Variants in SMAP2 observed in about 807,000 individuals in gnomAD.
SMAP2 encodes small ArfGAP2.
SMAP2 carries 25 observed loss-of-function variants against 56.4 expected under a neutral mutation model. That is an observed-to-expected ratio of 0.44 (90% CI 0.32 to 0.62). The LOEUF (loss-of-function observed/expected upper bound fraction) is 0.62. Ranked by LOEUF, SMAP2 falls within the 20% of genes least tolerant of loss-of-function variation. The pLI is 0.04. For missense variants in SMAP2, 388 were observed against 545.6 expected, an observed-to-expected ratio of 0.71 and a Z score of 2.88; for synonymous variants, 157 against 181.7, an observed-to-expected ratio of 0.86 and a Z score of 1.09.
intron 1 of SMAP2, among the ~76,000 whole-genome samples, chr1:40,395,869 G>A (rs952083012): frequency 6.6e-6 from 1 of 152,246 alleles, no homozygotes; most frequent in Middle Eastern, 3.4e-3. Context: ...GCCATTTTAA[G>A]TTAACTGCTG....
upstream of SMAP2, among the ~76,000 whole-genome samples, chr1:40,372,488 A>AAT (rs1465022250): frequency 6.6e-6 from 1 of 152,152 alleles, no homozygotes; most frequent in Non-Finnish European, 1.5e-5. Context: ...TGGTTATGGT[A>AAT]ATACCTACTT....
intron 1 of SMAP2, among the ~76,000 whole-genome samples, chr1:40,387,817 C>T (rs139180430): frequency 0.011 from 1,603 of 151,156 alleles, 13 homozygotes; most frequent in Admixed American, 0.023. Context: ...TGGCCGAGGC[C>T]GGAGCTGGCT....
At chr1:40,420,483 G>C (rs1057173330) in intron 9 of SMAP2, among the ~76,000 whole-genome samples, 1 of 152,152 alleles carries the variant, frequency 6.6e-6, no homozygotes, top group African/African-American at 2.4e-5. Flanking sequence ...TAAAAACCAG[G>C]TGTGGAATGG....
chr1:40,354,685 T>C (rs1483585300), intron 1 of SMAP2, among the ~76,000 whole-genome samples: 1 of 151,998 alleles, frequency 6.6e-6, no homozygotes, highest in Non-Finnish European at 1.5e-5. Flanking sequence ...GAGAATTGTT[T>C]TGGATTTTAT....
intron 1 of SMAP2, among the ~76,000 whole-genome samples, chr1:40,376,199 C>T (rs997887089): frequency 3.9e-5 from 6 of 152,184 alleles, no homozygotes; most frequent in African/African-American, 1.4e-4. Context: ...GATCCACCCG[C>T]CTCAGCCTTC....
chr1:40,394,472 C>T (rs984676844), intron 1 of SMAP2, among the ~76,000 whole-genome samples: 5 of 152,130 alleles, frequency 3.3e-5, no homozygotes, highest in African/African-American at 4.8e-5. Context: ...TGGCCTCTAA[C>T]GGAAGCAACT....
In SMAP2 at chr1:40,421,984, G is replaced by C. The variant is rs1199698757; in HGVS notation, c.1173G>C (p.Gln391His). 1 of 1,614,182 alleles carries C rather than the reference G, an allele frequency of 6.2e-7. No individual in the cohort carries two copies. The change falls in exon 10 of 10, where the codon CAG becomes CAC. Residue 391 changes from glutamine to histidine, a missense_variant. Physicochemically the swap from Gln to His is conservative, Grantham distance 24 (BLOSUM62 0). Coordinates refer to ENST00000372718, the MANE Select transcript of SMAP2 (RefSeq NM_022733.3). ...QLQWNLTQMT[Q>H]QMAGMNFYGA... Reference sequence around the variant, plus strand: ...TCCTCTCTCCCTTTCAGATGACCCAGCAGATGGCTGGGATGAACTTCTATG... The same window carrying C: ...TCCTCTCTCCCTTTCAGATGACCCACCAGATGGCTGGGATGAACTTCTATG...
intron 1 of SMAP2, among the ~76,000 whole-genome samples, chr1:40,348,020 G>A (rs990560292): frequency 2.0e-5 from 3 of 151,884 alleles, no homozygotes; most frequent in African/African-American, 7.3e-5. Context: ...ATCCTAGCTG[G>A]GTGCAGTGGC....
chr1:40,422,321 T>A lies in SMAP2; in HGVS notation c.*220T>A, dbSNP rs1055446928. ...ATGCCCCATAGCCATCCCAACGTCC[T>A]CCCCAGTCCTCTCCTGGCACCAGCA... On this transcript the variant is annotated 3_prime_UTR_variant, in exon 10 of 10. Transcript: ENST00000372718. The A allele has an allele frequency of 1.9e-6, 1 of 527,308 alleles. No homozygotes were observed. The highest frequency in any genetic ancestry group is 3.3e-6 in the Non-Finnish European group (1 of 299,078). 32.7% of individuals were successfully genotyped at this position (527,308 alleles called of 1,614,324 possible).
In SMAP2 at chr1:40,416,379, A is replaced by T. The variant is rs375441551; in HGVS notation, c.847+38A>T. 2.2e-4 allele frequency: 344 copies of T among 1,589,000 alleles called. No homozygotes were observed. In the Middle Eastern group the frequency reaches 2.2e-3, roughly 10 times the overall value. On this transcript the variant is annotated intron_variant, in intron 8 of 9. Transcript: ENST00000372718. ...GGTGTCATGGCCATGTGCCAGGTAG[A>T]GACATGAGGGCTTCCATGCAGGAAT...
At chr1:40,394,456 A>G (rs1396136793) in intron 1 of SMAP2, among the ~76,000 whole-genome samples, 3 of 152,170 alleles carry the variant, frequency 2.0e-5, no homozygotes, top group African/African-American at 7.2e-5. Context: ...TGTAGCATCA[A>G]GGGACTGGCC....
chr1:40,416,761 A>C lies in SMAP2; in HGVS notation c.848-19A>C, dbSNP rs375254340. ...GTTTTTCCCTCTTTAACCAACCTGT[A>C]TGTGTGTTTTCTTGGCAGCAATGTT... On this transcript the variant is annotated intron_variant, in intron 8 of 9. Coordinates refer to ENST00000372718, the MANE Select transcript of SMAP2 (RefSeq NM_022733.3). 3 of 1,587,956 alleles carry C rather than the reference A, an allele frequency of 1.9e-6. No homozygotes were observed. Among genetic ancestry groups the C allele is most frequent in the Non-Finnish European group, 2.6e-6 (3 of 1,160,326 alleles).
At chr1:40,360,874 G>A (rs958074012) in intron 1 of SMAP2, among the ~76,000 whole-genome samples, 2 of 152,276 alleles carry the variant, frequency 1.3e-5, no homozygotes, top group East Asian at 1.9e-4. Context: ...ACCACCCCAG[G>A]CCAAAGTGCT....
chr1:40,383,708 C>A (rs575992810), intron 1 of SMAP2, among the ~76,000 whole-genome samples: 1 of 152,260 alleles, frequency 6.6e-6, no homozygotes, highest in African/African-American at 2.4e-5. Context: ...TGGCTGCTGC[C>A]AGGAGCAACT....
intron 1 of SMAP2, among the ~76,000 whole-genome samples, chr1:40,356,410 T>C (rs569093583): frequency 1.2e-4 from 18 of 150,806 alleles, no homozygotes; most frequent in African/African-American, 2.4e-4. Context: ...TTTTTGTTTT[T>C]TTTTGTTTTT....
chr1:40,372,973 C>T (rs1027271059), upstream of SMAP2, among the ~76,000 whole-genome samples: 1 of 152,138 alleles, frequency 6.6e-6, no homozygotes, highest in Non-Finnish European at 1.5e-5. Flanking sequence ...TCTGTAGCAA[C>T]GGTGGCTTTG....
chr1:40,419,572 A>C (rs1645023112), intron 9 of SMAP2, among the ~76,000 whole-genome samples: 1 of 152,212 alleles, frequency 6.6e-6, no homozygotes, highest in Non-Finnish European at 1.5e-5. Context: ...GGCATGAGCC[A>C]CTGCGCCCAG....
At chr1:40,418,657 C>T (rs1232478405) in intron 9 of SMAP2, among the ~76,000 whole-genome samples, 1 of 152,144 alleles carries the variant, frequency 6.6e-6, no homozygotes, top group African/African-American at 2.4e-5. Context: ...ATACCTCCTA[C>T]CCACAAAAAT....
upstream of SMAP2, among the ~76,000 whole-genome samples, chr1:40,370,957 G>T (rs1363730434): frequency 6.6e-6 from 1 of 151,992 alleles, no homozygotes; most frequent in Non-Finnish European, 1.5e-5. Context: ...GGCGGGTCAC[G>T]AGGTCAGGAG....
Sources: gnomAD v4.1 joint callset for allele counts (sites outside exome capture counted in the v4.1 genomes callset) on GRCh38, gnomAD v4.1.1 for gene constraint, MANE v1.5 for transcripts, NCBI Gene and HGNC (gene_info 2026-07-23, HGNC 2026-07-21) for gene names.